GOLIM4: variants seen among roughly 807,000 people sequenced by gnomAD.
GOLIM4 encodes the protein 130 kDa golgi-localized phosphoprotein.
A neutral mutation model predicts 107.4 loss-of-function variants in GOLIM4; 71 were observed. The ratio of observed to expected loss-of-function variants is 0.66; its 90% CI spans 0.55 to 0.81. The LOEUF (loss-of-function observed/expected upper bound fraction) is 0.81. Among genes scored for constraint, GOLIM4 ranks in the 30% least tolerant of loss-of-function variants. GOLIM4 has a pLI of 0.00. For synonymous variants in GOLIM4, 327 were observed against 294.8 expected, an observed-to-expected ratio of 1.11 and a Z score of -1.12; for missense variants, 830 against 826.1, an observed-to-expected ratio of 1.00 and a Z score of -0.06.
intron 2 of GOLIM4, 84 bp from the exon 3 acceptor site, chr3:168,047,083 C>T: frequency 1.5e-6 from 1 of 656,108 alleles, no homozygotes; most frequent in South Asian, 1.9e-5. Context: ...AAACTTCACT[C>T]ATGCTTACAA....
chr3:168,041,156 A>G, intron 6 of GOLIM4: 3 of 519,470 alleles, frequency 5.8e-6, no homozygotes, highest in Non-Finnish European at 1.0e-5. Context: ...AAGCTTATTA[A>G]TATGTAACTA....
intron 13 of GOLIM4, 111 bp downstream of exon 13, chr3:168,024,817 C>T (rs1050511414): frequency 5.8e-5 from 66 of 1,146,998 alleles, no homozygotes; most frequent in Admixed American, 2.9e-4. Flanking sequence ...CTAAAAACCA[C>T]CGAAGTGGCA....
intron 9 of GOLIM4, 127 bp downstream of exon 9, chr3:168,032,393 G>A (rs945645359): frequency 3.8e-5 from 28 of 734,262 alleles, no homozygotes; most frequent in Admixed American, 2.0e-4. Flanking sequence ...TTAAATATGA[G>A]CATATAATGT....
intron 14 of GOLIM4, 116 bp downstream of exon 14, chr3:168,024,410 A>T: frequency 2.4e-6 from 2 of 833,342 alleles, no homozygotes; most frequent in Non-Finnish European, 4.1e-6. Flanking sequence ...TCCTGCTTAA[A>T]TTTTTCTGAA....
chr3:168,077,771 T>A (rs949864630), intron 1 of GOLIM4, among the ~76,000 whole-genome samples: 2 of 152,194 alleles, frequency 1.3e-5, no homozygotes, highest in Non-Finnish European at 2.9e-5. Flanking sequence ...AGAATTTTTT[T>A]AATAAAGATT....
Position 168,043,369 on chromosome 3 carries a change from T to G in GOLIM4, c.517+10A>C, listed in dbSNP as rs773533372. The G allele has an allele frequency of 1.3e-6, 2 of 1,590,614 alleles. No individual in the cohort carries two copies. The highest frequency in any genetic ancestry group is 1.7e-6 in the Non-Finnish European group (2 of 1,167,612). Reference sequence around the variant, plus strand: ...TTAGAGATAAACTGGCTAATCAGATTTCCAAATACCTTTTAGCTTAGAAAG... The same window carrying G: ...TTAGAGATAAACTGGCTAATCAGATGTCCAAATACCTTTTAGCTTAGAAAG... On this transcript the variant is annotated intron_variant, in intron 5 of 15. Coordinates refer to ENST00000470487, the MANE Select transcript of GOLIM4 (RefSeq NM_014498.5).
intron 1 of GOLIM4, among the ~76,000 whole-genome samples, chr3:168,056,581 G>A (rs1370424397): frequency 6.6e-6 from 1 of 152,198 alleles, no homozygotes; most frequent in African/African-American, 2.4e-5. Flanking sequence ...AGCCAAAGGG[G>A]CGGAGCTGCC....
At chr3:168,061,942 G>A (rs1438169492) in intron 1 of GOLIM4, among the ~76,000 whole-genome samples, 1 of 152,024 alleles carries the variant, frequency 6.6e-6, no homozygotes, top group Non-Finnish European at 1.5e-5. Flanking sequence ...TCATTGAGCT[G>A]TTTACTTATG....
chr3:168,028,398 A>G (rs1035746700), intron 11 of GOLIM4, among the ~76,000 whole-genome samples: 1 of 152,252 alleles, frequency 6.6e-6, no homozygotes, highest in Admixed American at 6.5e-5. Flanking sequence ...AAAAATATTT[A>G]GATAAAGAGA....
intron 3 of GOLIM4, among the ~76,000 whole-genome samples, chr3:168,045,332 T>C (rs1039685393): frequency 1.4e-4 from 21 of 152,316 alleles, no homozygotes; most frequent in African/African-American, 4.8e-4. Flanking sequence ...GAAAAGGCAC[T>C]TTCTTTCCCT....
chr3:168,036,486 G>A (rs897500526), intron 8 of GOLIM4, among the ~76,000 whole-genome samples: 1 of 152,196 alleles, frequency 6.6e-6, no homozygotes, highest in African/African-American at 2.4e-5. Flanking sequence ...AGGTTGCAGT[G>A]AGCTAAGATT....
intron 14 of GOLIM4, among the ~76,000 whole-genome samples, chr3:168,020,284 A>G (rs1055476052): frequency 6.6e-6 from 1 of 152,172 alleles, no homozygotes; most frequent in Non-Finnish European, 1.5e-5. Context: ...GAAAGTCTTT[A>G]GCAAATGGGC....
intron 1 of GOLIM4, among the ~76,000 whole-genome samples, chr3:168,069,019 T>C (rs1298510471): frequency 6.6e-6 from 1 of 151,974 alleles, no homozygotes; most frequent in Non-Finnish European, 1.5e-5. Flanking sequence ...GTATTATTAG[T>C]AGAGATGGGG....
intron 8 of GOLIM4, among the ~76,000 whole-genome samples, chr3:168,035,637 G>A (rs1040917300): frequency 2.0e-5 from 3 of 152,092 alleles, no homozygotes; most frequent in African/African-American, 7.2e-5. Context: ...CACACTGTAC[G>A]GCCTATCAGA....
intron 1 of GOLIM4, among the ~76,000 whole-genome samples, chr3:168,060,172 C>A (rs1577552531): frequency 6.6e-6 from 1 of 151,600 alleles, no homozygotes; most frequent in Admixed American, 6.6e-5. Flanking sequence ...TAGGCTTTAG[C>A]CTCAGCCTCC....
At chr3:168,020,730 C>A (rs1380591723) in intron 14 of GOLIM4, among the ~76,000 whole-genome samples, 5 of 152,122 alleles carry the variant, frequency 3.3e-5, no homozygotes, top group African/African-American at 1.2e-4. Context: ...ATATAGAGAA[C>A]AAACTCTTAG....
intron 1 of GOLIM4, among the ~76,000 whole-genome samples, chr3:168,066,465 T>C (rs906797100): frequency 7.2e-5 from 11 of 152,176 alleles, no homozygotes; most frequent in South Asian, 2.1e-4. Flanking sequence ...TATTTTTTCA[T>C]TGACAAAATG....
In GOLIM4 at chr3:168,049,188, C is replaced by T. The variant is rs1185450224; in HGVS notation, c.188-823G>A. ...CTGGCAGACAACAAGGGAGAAGAGGCATACCACAACACTCCTTCCCACTGC... is the reference window on the plus strand; with the variant it reads ...CTGGCAGACAACAAGGGAGAAGAGGTATACCACAACACTCCTTCCCACTGC... On this transcript the variant is annotated intron_variant, in intron 1 of 15. Transcript: ENST00000470487. 5.9e-5 allele frequency among the ~76,000 whole-genome samples: 9 copies of T among 152,206 alleles called. No individual in the cohort carries two copies. The East Asian group carries it at 1.4e-3, about 23-fold the overall frequency.
chr3:168,022,072 A>G (rs1452566149), intron 14 of GOLIM4, among the ~76,000 whole-genome samples: 4 of 152,208 alleles, frequency 2.6e-5, no homozygotes, highest in African/African-American at 9.7e-5. Flanking sequence ...ACACTACTGC[A>G]CTAAGATAAA....
Sources: allele counts gnomAD v4.1 joint callset (sites outside exome capture counted in the v4.1 genomes callset), GRCh38; gene constraint gnomAD v4.1.1; transcripts MANE v1.5; gene names NCBI Gene and HGNC (gene_info 2026-07-23, HGNC 2026-07-21).